LRRC4C: variants seen among roughly 807,000 people sequenced by gnomAD.
LRRC4C encodes leucine rich repeat containing 4C.
A neutral mutation model predicts 33.6 loss-of-function variants in LRRC4C; 5 were observed. The ratio of observed to expected loss-of-function variants is 0.15; its 90% CI spans 0.08 to 0.31. The LOEUF is 0.31. LRRC4C is among the 10% of genes least tolerant of loss of function. The pLI is 1.00. For missense variants in LRRC4C, 560 were observed against 796.7 expected, an observed-to-expected ratio of 0.70 and a Z score of 3.58; for synonymous variants, 329 against 302.0, an observed-to-expected ratio of 1.09 and a Z score of -0.93.
chr11:40,120,482 T>A (rs920887095), intron 6 of LRRC4C, among the ~76,000 whole-genome samples: 1 of 152,154 alleles, frequency 6.6e-6, no homozygotes, highest in African/African-American at 2.4e-5. Context: ...GTTTTACATA[T>A]GCCCTCTCTC....
In LRRC4C at chr11:40,572,731, C is replaced by T. The variant is rs1024034611; in HGVS notation, c.-270+75411G>A. Among the ~76,000 whole-genome samples, 5 of 152,246 alleles carry T rather than the reference C, an allele frequency of 3.3e-5. No homozygotes were observed. The East Asian group carries it at 5.8e-4, about 18-fold the overall frequency. ...AGGACTGGTCCTAGAACTGGAACCA[C>T]CAAGGTTGAGACAGGAGTCACACAG... On this transcript the variant is annotated intron_variant, in intron 3 of 6. Transcript: ENST00000528697.
Position 40,698,490 on chromosome 11 carries a change from C to T in LRRC4C, c.-406-50212G>A, listed in dbSNP as rs552735483. Among the ~76,000 whole-genome samples, 19 of 151,694 alleles carry T rather than the reference C, an allele frequency of 1.3e-4. No homozygotes were observed. The South Asian group carries it at 2.3e-3, about 18-fold the overall frequency. ...TTTCTTCCCCTTGTTAAATCCTAAT[C>T]AGTCTTGCCTCACCTATTGTCCTTC... On this transcript the variant is annotated intron_variant, in intron 2 of 6. Transcript: ENST00000528697.
At chr11:40,403,766 G>A (rs1384790794) in intron 3 of LRRC4C, among the ~76,000 whole-genome samples, 2 of 152,054 alleles carry the variant, frequency 1.3e-5, no homozygotes, top group Admixed American at 6.6e-5. Context: ...ATCTCAGAGA[G>A]AAAAAGAACA....
intron 3 of LRRC4C, among the ~76,000 whole-genome samples, chr11:40,480,498 G>C (rs2138397701): frequency 6.6e-6 from 1 of 152,028 alleles, no homozygotes; most frequent in East Asian, 1.9e-4. Context: ...GGAGGGTGGG[G>C]ATCAAAAAAC....
chr11:40,564,342 A>C (rs980304346), intron 3 of LRRC4C, among the ~76,000 whole-genome samples: 11 of 152,190 alleles, frequency 7.2e-5, no homozygotes, highest in African/African-American at 2.7e-4. Flanking sequence ...GCTGGAATGG[A>C]CATATTACAT....
Position 40,674,698 on chromosome 11 carries a change from C to A in LRRC4C, c.-406-26420G>T, listed in dbSNP as rs7110515. 1.5e-3 allele frequency among the ~76,000 whole-genome samples: 229 copies of A among 152,058 alleles called. 1 individual carries two copies. The highest frequency in any genetic ancestry group is 5.2e-3 in the African/African-American group (215 of 41,458). On this transcript the variant is annotated intron_variant, in intron 2 of 6. Transcript: ENST00000528697. ...GTGATGTTCTCTATGAGCTTCCATG[C>A]CAAAACTGTTTAAAAATATAATAAT...
At chr11:40,298,678 A>C (rs528314583) in intron 4 of LRRC4C, among the ~76,000 whole-genome samples, 122 of 152,124 alleles carry the variant, frequency 8.0e-4, no homozygotes, top group Non-Finnish European at 1.4e-3. Context: ...TGCTATAAAG[A>C]TATACCCAAG....
chr11:41,324,891 CT>C (rs1360755324), intron 1 of LRRC4C, among the ~76,000 whole-genome samples: 5 of 152,088 alleles, frequency 3.3e-5, no homozygotes, highest in African/African-American at 1.2e-4. Context: ...GGATTTTACA[CT>C]TGTATCATAT....
At chr11:40,430,086 C>A (rs1339300155) in intron 3 of LRRC4C, among the ~76,000 whole-genome samples, 1 of 152,150 alleles carries the variant, frequency 6.6e-6, no homozygotes, top group Non-Finnish European at 1.5e-5. Context: ...AGCCAAAAAG[C>A]AGAGCTTGGT....
At chr11:40,923,953 G>T (rs766234303) in intron 2 of LRRC4C, among the ~76,000 whole-genome samples, 2 of 151,896 alleles carry the variant, frequency 1.3e-5, no homozygotes, top group Non-Finnish European at 2.9e-5. Flanking sequence ...TCTGTATTTA[G>T]CAATGCATTA....
intron 1 of LRRC4C, among the ~76,000 whole-genome samples, chr11:41,278,750 T>C (rs544116721): frequency 3.5e-4 from 54 of 152,340 alleles, no homozygotes; most frequent in African/African-American, 1.3e-3. Flanking sequence ...TACCAACAGT[T>C]GTGAGTTGTA....
At chr11:40,984,108 C>T (rs1378827268) in intron 1 of LRRC4C, among the ~76,000 whole-genome samples, 1 of 145,690 alleles carries the variant, frequency 6.9e-6, no homozygotes, top group Admixed American at 7.0e-5. Flanking sequence ...AATCCTATAA[C>T]AGTACTATTG....
chr11:40,894,076 G>C (rs1955836638), intron 2 of LRRC4C, among the ~76,000 whole-genome samples: 1 of 152,112 alleles, frequency 6.6e-6, no homozygotes, highest in East Asian at 1.9e-4. Context: ...TTTGTTAATT[G>C]AATTCTTAGA....
intron 1 of LRRC4C, among the ~76,000 whole-genome samples, chr11:41,119,764 G>T (rs1366571338): frequency 1.3e-5 from 2 of 152,064 alleles, no homozygotes; most frequent in Non-Finnish European, 2.9e-5. Context: ...TTGAAAAGTT[G>T]ACCTGGTTTC....
intron 4 of LRRC4C, among the ~76,000 whole-genome samples, chr11:40,311,118 A>C (rs1590274479): frequency 1.3e-5 from 2 of 152,206 alleles, no homozygotes; most frequent in East Asian, 3.9e-4. Flanking sequence ...TTCAAAACTC[A>C]ACTCATCCAT....
chr11:40,156,412 C>T (rs1325495906), intron 5 of LRRC4C, among the ~76,000 whole-genome samples: 1 of 152,120 alleles, frequency 6.6e-6, no homozygotes, highest in Non-Finnish European at 1.5e-5. Context: ...CAAACTGTCA[C>T]TGTTTGCTGA....
intron 1 of LRRC4C, among the ~76,000 whole-genome samples, chr11:41,087,794 C>G (rs1012995356): frequency 2.6e-5 from 4 of 152,148 alleles, no homozygotes; most frequent in Non-Finnish European, 5.9e-5. Context: ...AGAACATAAT[C>G]AGTCCTAATA....
intron 2 of LRRC4C, among the ~76,000 whole-genome samples, chr11:40,868,225 T>C (rs901698309): frequency 6.6e-6 from 1 of 152,160 alleles, no homozygotes; most frequent in Non-Finnish European, 1.5e-5. Context: ...AAAGCCTCGC[T>C]GAGCTATCCT....
At chr11:40,619,268 ATAACT>A (rs1055550178) in intron 3 of LRRC4C, among the ~76,000 whole-genome samples, 3 of 151,798 alleles carry the variant, frequency 2.0e-5, no homozygotes, top group Non-Finnish European at 2.9e-5. Context: ...ATATTTTTAA[ATAACT>A]TAATGCAATT....
Sources: allele counts gnomAD v4.1 joint callset (sites outside exome capture counted in the v4.1 genomes callset), GRCh38; gene constraint gnomAD v4.1.1; transcripts MANE v1.5; gene names NCBI Gene and HGNC (gene_info 2026-07-23, HGNC 2026-07-21).